Variants in ASCC1 observed in about 807,000 individuals in gnomAD.
The protein encoded by ASCC1 is activating signal cointegrator 1 complex subunit 1.
A neutral mutation model predicts 46.6 loss-of-function variants in ASCC1; 35 were observed. That is an observed-to-expected ratio of 0.75 (90% CI 0.57 to 0.99). The LOEUF is 0.99. Among genes scored for constraint, ASCC1 ranks in the 50% least tolerant of loss-of-function variants. The probability of loss-of-function intolerance (pLI) is 0.00; values close to 1 mark genes in which losing one functional copy is unlikely to be tolerated. For missense variants in ASCC1, 376 were observed against 428.7 expected, an observed-to-expected ratio of 0.88 and a Z score of 1.09; for synonymous variants, 143 against 146.6, an observed-to-expected ratio of 0.98 and a Z score of 0.18.
rs1289066863 is a variant in ASCC1, at chr10:72,194,527, G to GT, written c.489+2283dup. Among the ~76,000 whole-genome samples the GT allele has an allele frequency of 2.0e-5, 3 of 151,700 alleles. No homozygotes were observed. In the East Asian group the frequency reaches 5.8e-4, roughly 29 times the overall value. On this transcript the variant is annotated intron_variant, in intron 5 of 9. Transcript: ENST00000672957. ...AAAAATTCATACATCCACATATACT[G>GT]TTTTTTCACTTCTAGTGAAAAAACA...
chr10:72,148,530 A>C (rs1004956023), intron 7 of ASCC1, among the ~76,000 whole-genome samples: 8 of 152,224 alleles, frequency 5.3e-5, no homozygotes, highest in African/African-American at 1.9e-4. Flanking sequence ...TTTGGTGCCA[A>C]TATTAAAATT....
chr10:72,150,001 T>A (rs1186388173), intron 7 of ASCC1, among the ~76,000 whole-genome samples: 1 of 151,850 alleles, frequency 6.6e-6, no homozygotes, highest in Non-Finnish European at 1.5e-5. Flanking sequence ...GCCTGACCAA[T>A]ATGGTGAAAC....
chr10:72,128,365 T>C (rs1845141506), intron 8 of ASCC1, among the ~76,000 whole-genome samples, 198 bp from the exon 9 acceptor site: 1 of 152,210 alleles, frequency 6.6e-6, no homozygotes, highest in Non-Finnish European at 1.5e-5. Context: ...TCATTCAGTA[T>C]ACATTTATTC....
intron 7 of ASCC1, among the ~76,000 whole-genome samples, chr10:72,138,717 A>T (rs1384014383): frequency 6.7e-6 from 1 of 148,906 alleles, no homozygotes; most frequent in African/African-American, 2.5e-5. Context: ...GATTACAGAC[A>T]TTCGCCACCA....
At position 72,142,900 on chromosome 10, in the gene ASCC1, G is replaced by A. The variant is rs111567514; in HGVS notation, c.747-9719C>T. On this transcript the variant is annotated intron_variant, in intron 7 of 9. Transcript: ENST00000672957. ...AAATGGGCCAGGCATGGTGACTTAC[G>A]CCTGTAATTCCAGCACTTTGGGAGG... is the stretch of plus-strand genomic sequence containing the variant. Among the ~76,000 whole-genome samples the A allele has an allele frequency of 4.2e-3, 634 of 150,680 alleles. 10 individuals are homozygous for A. Among genetic ancestry groups the A allele is most frequent in the African/African-American group, 0.014 (565 of 40,966 alleles).
chr10:72,186,313 G>A (rs1421295798), intron 5 of ASCC1, among the ~76,000 whole-genome samples: 1 of 152,000 alleles, frequency 6.6e-6, no homozygotes, highest in Non-Finnish European at 1.5e-5. Context: ...AAATATATAT[G>A]TGTATTCAAA....
chr10:72,115,391 A>G (rs1039674891), intron 9 of ASCC1, among the ~76,000 whole-genome samples: 2 of 152,208 alleles, frequency 1.3e-5, no homozygotes, highest in African/African-American at 2.4e-5. Flanking sequence ...GACAGCTCTT[A>G]CCATTAAGGA....
intron 5 of ASCC1, chr10:72,190,088 C>T: frequency 1.3e-6 from 1 of 758,670 alleles, no homozygotes; most frequent in Admixed American, 1.7e-5. Flanking sequence ...TAAAGCGCAG[C>T]AACTGGGCTG....
chr10:72,198,510 C>G (rs566911648), intron 4 of ASCC1: 14 of 455,048 alleles, frequency 3.1e-5, no homozygotes, highest in African/African-American at 2.6e-4. Flanking sequence ...GCCAGGAGTT[C>G]CAGACAGCCT....
chr10:72,134,877 T>C (rs142683182), intron 7 of ASCC1, among the ~76,000 whole-genome samples: 40 of 152,140 alleles, frequency 2.6e-4, no homozygotes, highest in South Asian at 1.5e-3. Context: ...AAAGCAAAAA[T>C]ATGCCTCCTT....
chr10:72,127,169 A>G (rs1035382577), intron 9 of ASCC1, among the ~76,000 whole-genome samples: 1 of 152,242 alleles, frequency 6.6e-6, no homozygotes, highest in Non-Finnish European at 1.5e-5. Context: ...CCTCCACCTC[A>G]GCAAAACACC....
At chr10:72,146,416 G>A (rs915501900) in intron 7 of ASCC1, among the ~76,000 whole-genome samples, 2 of 152,166 alleles carry the variant, frequency 1.3e-5, no homozygotes, top group Admixed American at 6.5e-5. Flanking sequence ...CAGAGTGAAC[G>A]TTTTCAGAAA....
intron 9 of ASCC1, among the ~76,000 whole-genome samples, chr10:72,122,844 T>C (rs1398710465): frequency 1.3e-5 from 2 of 152,022 alleles, no homozygotes; most frequent in Non-Finnish European, 2.9e-5. Context: ...TATTTTAAGG[T>C]AAATGAAAAT....
intron 5 of ASCC1, among the ~76,000 whole-genome samples, chr10:72,193,781 G>A (rs1854926002): frequency 6.6e-6 from 1 of 151,658 alleles, no homozygotes; most frequent in South Asian, 2.1e-4. Context: ...ACCTCTTACT[G>A]TATATCAAAA....
chr10:72,216,876 T>C (rs1310218278), upstream of ASCC1: 4 of 456,092 alleles, frequency 8.8e-6, no homozygotes, highest in African/African-American at 4.0e-5. Context: ...GACAAAATTT[T>C]ACTGGGCACC....
intron 5 of ASCC1, among the ~76,000 whole-genome samples, chr10:72,179,847 C>G (rs1363777465): frequency 6.6e-6 from 1 of 151,922 alleles, no homozygotes; most frequent in Admixed American, 6.6e-5. Context: ...TTATAGATTA[C>G]TAGCAGAAAA....
rs560240534 is a variant in ASCC1 at position 72,173,239 on chromosome 10, C to T, written c.490-11565G>A. On this transcript the variant is annotated intron_variant, in intron 5 of 9. Transcript: ENST00000672957. ...TTACTATCTCAGTCACTTTGATATT[C>T]CATTGCTCTTTCTTCCTTTTTCTTT... Among the ~76,000 whole-genome samples the T allele has an allele frequency of 5.9e-5, 9 of 152,052 alleles. No homozygotes were observed. The East Asian group carries it at 1.7e-3, about 29-fold the overall frequency.
At chr10:72,193,475 CACA>C (rs768889165) in intron 5 of ASCC1, among the ~76,000 whole-genome samples, 1 of 145,588 alleles carries the variant, frequency 6.9e-6, no homozygotes, top group East Asian at 2.0e-4. Context: ...CACACACACA[CACA>C]CCACACACAC....
intron 4 of ASCC1, among the ~76,000 whole-genome samples, chr10:72,201,552 G>A (rs1179720270): frequency 6.6e-6 from 1 of 151,886 alleles, no homozygotes; most frequent in East Asian, 1.9e-4. Context: ...TGGGCATGGT[G>A]CTAAGCGCCT....
Sources: gnomAD v4.1 joint callset for allele counts (sites outside exome capture counted in the v4.1 genomes callset) on GRCh38, gnomAD v4.1.1 for gene constraint, MANE v1.5 for transcripts, NCBI Gene and HGNC (gene_info 2026-07-23, HGNC 2026-07-21) for gene names.